The following SNTG1 variants were observed in gnomAD, a reference collection of about 807,000 sequenced individuals.
The protein encoded by SNTG1 is gamma-1-syntrophin.
In SNTG1, 39 loss-of-function variants were observed where a neutral mutation model predicts 74.7. The observed-to-expected ratio is 0.52, with a 90% CI of 0.40 to 0.68. The LOEUF (loss-of-function observed/expected upper bound fraction) is 0.68. SNTG1 is among the 30% of genes least tolerant of loss of function. The pLI, the probability that SNTG1 is intolerant of heterozygous loss-of-function variation, is 0.00. For missense variants in SNTG1, 685 were observed against 609.5 expected (o/e 1.12, Z -1.30); for synonymous variants, 254 against 217.1 (o/e 1.17, Z -1.49).
chr8:50,208,445 T>A (rs1207472890), intron 2 of SNTG1, among the ~76,000 whole-genome samples: 4 of 152,022 alleles, frequency 2.6e-5, no homozygotes, highest in Non-Finnish European at 5.9e-5. Flanking sequence ...ATTTTGAGCT[T>A]TTATGTGTCT....
intron 2 of SNTG1, among the ~76,000 whole-genome samples, chr8:50,266,269 C>G (rs545109048): frequency 6.6e-6 from 1 of 151,914 alleles, no homozygotes; most frequent in South Asian, 2.1e-4. Flanking sequence ...AATTAAAATT[C>G]CGAAAAATAA....
At chr8:49,919,006 G>A (rs1173912110) in intron 1 of SNTG1, among the ~76,000 whole-genome samples, 1 of 152,104 alleles carries the variant, frequency 6.6e-6, no homozygotes, top group African/African-American at 2.4e-5. Flanking sequence ...ATTCTTCAGT[G>A]TTGTCTTCAT....
rs188977120 is a variant in SNTG1, at chr8:50,005,610, A to G, written c.-103+93379A>G. On this transcript the variant is annotated intron_variant, in intron 1 of 18. Coordinates refer to ENST00000642720, the MANE Select transcript of SNTG1 (RefSeq NM_018967.5). Reference sequence around the variant, plus strand: ...ACTATATACATACAAATACATAATTACATTTACCTTATTGCATTATTTTGA... The same window carrying G: ...ACTATATACATACAAATACATAATTGCATTTACCTTATTGCATTATTTTGA... Among the ~76,000 whole-genome samples the G allele has an allele frequency of 2.0e-5, 3 of 152,310 alleles. No individual in the cohort carries two copies. In the East Asian group the frequency reaches 5.8e-4, roughly 29 times the overall value.
intron 1 of SNTG1, among the ~76,000 whole-genome samples, chr8:49,959,154 G>A (rs1810456054): frequency 6.6e-6 from 1 of 152,058 alleles, no homozygotes; most frequent in Non-Finnish European, 1.5e-5. Flanking sequence ...AAATCATATT[G>A]CAAGCATTTT....
intron 2 of SNTG1, among the ~76,000 whole-genome samples, chr8:50,185,768 A>T (rs1226639933): frequency 6.6e-6 from 1 of 151,684 alleles, no homozygotes; most frequent in Non-Finnish European, 1.5e-5. Flanking sequence ...ATTTCTATGA[A>T]TTCATTTTTT....
intron 8 of SNTG1, among the ~76,000 whole-genome samples, chr8:50,461,907 T>G (rs1209854202): frequency 1.3e-5 from 2 of 152,068 alleles, no homozygotes; most frequent in Non-Finnish European, 2.9e-5. Flanking sequence ...TGCAAAGTAG[T>G]GGTGCTTTCT....
chr8:50,441,137 T>A (rs1047154483), intron 5 of SNTG1, among the ~76,000 whole-genome samples: 4 of 151,962 alleles, frequency 2.6e-5, no homozygotes, highest in African/African-American at 9.7e-5. Context: ...TAGGTCTGAG[T>A]CCATTGTTTT....
intron 2 of SNTG1, among the ~76,000 whole-genome samples, chr8:50,381,435 T>C (rs2092477166): frequency 6.6e-6 from 1 of 151,002 alleles, no homozygotes; most frequent in Non-Finnish European, 1.5e-5. Context: ...AAGATGAATG[T>C]GTCTCCAGAG....
chr8:50,252,891 A>G (rs2086703802), intron 2 of SNTG1, among the ~76,000 whole-genome samples: 1 of 152,216 alleles, frequency 6.6e-6, no homozygotes. Context: ...ACATTTCTCA[A>G]TAGAAGAAAT....
At chr8:50,190,675 G>A (rs1586639710) in intron 2 of SNTG1, among the ~76,000 whole-genome samples, 1 of 152,054 alleles carries the variant, frequency 6.6e-6, no homozygotes. Context: ...GAGGTAAATT[G>A]TTTCAATAAA....
intron 2 of SNTG1, among the ~76,000 whole-genome samples, chr8:50,278,282 A>G (rs897827802): frequency 3.3e-5 from 5 of 152,200 alleles, no homozygotes; most frequent in Non-Finnish European, 7.3e-5. Flanking sequence ...ATTGTTGAAT[A>G]TAATATTTTT....
chr8:50,751,287 G>T (rs926557942), intron 17 of SNTG1, among the ~76,000 whole-genome samples: 1 of 151,868 alleles, frequency 6.6e-6, no homozygotes, highest in Non-Finnish European at 1.5e-5. Flanking sequence ...TTAGTTTCAG[G>T]ACATACCAAA....
intron 2 of SNTG1, among the ~76,000 whole-genome samples, chr8:50,369,830 G>A (rs1426272957): frequency 1.3e-5 from 2 of 152,210 alleles, no homozygotes; most frequent in East Asian, 1.9e-4. Context: ...AAACTGACTC[G>A]ATGCCAAGTG....
At chr8:50,058,734 T>TTGTGTGTGTG (rs71235777) in intron 1 of SNTG1, among the ~76,000 whole-genome samples, 1 of 145,658 alleles carries the variant, frequency 6.9e-6, no homozygotes, top group Admixed American at 6.9e-5. Flanking sequence ...TTACTTACAT[T>TTGTGTGTGTG]TGTGTGTGTG....
At chr8:50,546,081 C>A (rs567692515) in intron 11 of SNTG1, among the ~76,000 whole-genome samples, 1 of 152,008 alleles carries the variant, frequency 6.6e-6, no homozygotes, top group South Asian at 2.1e-4. Flanking sequence ...AATACTATCA[C>A]GTAAGGATGT....
chr8:50,757,628 A>G (rs2131723283), intron 18 of SNTG1, among the ~76,000 whole-genome samples: 1 of 152,002 alleles, frequency 6.6e-6, no homozygotes, highest in East Asian at 1.9e-4. Flanking sequence ...ATCCATTTTG[A>G]CAATCTTTAT....
chr8:50,266,660 G>A (rs1203670716), intron 2 of SNTG1, among the ~76,000 whole-genome samples: 3 of 108,590 alleles, frequency 2.8e-5, no homozygotes, highest in African/African-American at 9.2e-5. Flanking sequence ...GTGTGTGTGT[G>A]TGTGTGTGTG....
intron 11 of SNTG1, among the ~76,000 whole-genome samples, chr8:50,537,322 G>T (rs2130412779): frequency 6.6e-6 from 1 of 152,086 alleles, no homozygotes; most frequent in South Asian, 2.1e-4. Context: ...TGTTTTCGTA[G>T]ACATGGGAGA....
rs1410018225 is a variant in SNTG1 at position 50,474,565 on chromosome 8, A to G, written c.363+23836A>G. 2.6e-5 allele frequency among the ~76,000 whole-genome samples: 4 copies of G among 152,168 alleles called. No homozygotes were observed. In the East Asian group the frequency reaches 7.7e-4, roughly 29 times the overall value. On this transcript the variant is annotated intron_variant, in intron 8 of 18. Transcript: ENST00000642720. Reference sequence around the variant, plus strand: ...CCAGTTAGAATGGCGATCATTAAAAAATCAGGAAACAACAGGTGCTGGAGA... The same window carrying G: ...CCAGTTAGAATGGCGATCATTAAAAGATCAGGAAACAACAGGTGCTGGAGA...
Sources: gnomAD v4.1 joint callset for allele counts (sites outside exome capture counted in the v4.1 genomes callset) on GRCh38, gnomAD v4.1.1 for gene constraint, MANE v1.5 for transcripts, NCBI Gene and HGNC (gene_info 2026-07-23, HGNC 2026-07-21) for gene names.